The following ITGB3 variants were observed in gnomAD, a reference collection of about 807,000 sequenced individuals.
The protein encoded by ITGB3 is integrin beta-3.
ITGB3 carries 48 observed loss-of-function variants against 85.8 expected under a neutral mutation model. The ratio of observed to expected loss-of-function variants is 0.56; its 90% CI spans 0.44 to 0.71. ITGB3 has a LOEUF of 0.71. ITGB3 is among the 30% of genes least tolerant of loss of function. The probability of loss-of-function intolerance (pLI) is 0.00; values close to 1 mark genes in which losing one functional copy is unlikely to be tolerated. For synonymous variants in ITGB3, 363 were observed against 395.6 expected (o/e 0.92, Z 0.98); for missense variants, 861 against 1,019.1 (o/e 0.84, Z 2.11).
At chr17:47,300,346 C>CGCGCGTGTGT (rs377375532) in intron 11 of ITGB3, 132 bp from the exon 12 acceptor site, 48 of 619,820 alleles carry the variant, frequency 7.7e-5, no homozygotes, top group African/African-American at 5.9e-4. Flanking sequence ...CGCGCGCGCG[C>CGCGCGTGTGT]GTGTGTGTGT....
At chr17:47,290,324 G>C (rs1229808560) in intron 8 of ITGB3, 50 bp downstream of exon 8, 2 of 1,481,644 alleles carry the variant, frequency 1.3e-6, no homozygotes, top group Admixed American at 3.3e-5. Flanking sequence ...ACCTCATTTG[G>C]CTTACACAGC....
At chr17:47,294,685 C>T (rs2065139259) in intron 10 of ITGB3, among the ~76,000 whole-genome samples, 1 of 152,186 alleles carries the variant, frequency 6.6e-6, no homozygotes, top group South Asian at 2.1e-4. Context: ...TACTCAGGGG[C>T]GCACATCATT....
At chr17:47,267,264 A>G (rs1314180092) in intron 1 of ITGB3, among the ~76,000 whole-genome samples, 2 of 152,160 alleles carry the variant, frequency 1.3e-5, no homozygotes, top group Admixed American at 6.5e-5. Context: ...GTCAGAGGAA[A>G]GGGGTGGTAG....
At position 47,295,373 on chromosome 17, in the gene ITGB3, G is replaced by A. The variant is rs532347292; in HGVS notation, c.1690+2805G>A. Among the ~76,000 whole-genome samples the A allele has an allele frequency of 7.9e-5, 12 of 152,134 alleles. No individual in the cohort carries two copies. In the East Asian group the frequency reaches 1.7e-3, roughly 22 times the overall value. On this transcript the variant is annotated intron_variant, in intron 10 of 14. Coordinates refer to ENST00000559488, the MANE Select transcript of ITGB3 (RefSeq NM_000212.3). ...GTGTTCCCAATGACCTTAAGCACCC[G>A]TTCCTCCCTCCCTTTTCTGGCTCCC...
rs1386533862 is a variant in ITGB3 at position 47,299,620 on chromosome 17, G to C, written c.1913+90G>C. The C allele has an allele frequency of 1.7e-6, 2 of 1,201,928 alleles. No homozygotes were observed. The highest frequency in any genetic ancestry group is 2.4e-6 in the Non-Finnish European group (2 of 829,024). The allele number at this position is 1,201,928 out of a possible 1,614,324, so 74.5% of individuals were successfully genotyped here. ...CCCCAGCTCTCCAGGTGTGTTTCTT[G>C]CTCACCAGAGCCTTAGGGAGAGGAG... On this transcript the variant is annotated intron_variant, in intron 11 of 14. Coordinates refer to ENST00000559488, the MANE Select transcript of ITGB3 (RefSeq NM_000212.3). This position sits in a 1 kb window ranked among gnomAD's most constrained non-coding sequence, Gnocchi z 5.1.
intron 8 of ITGB3, among the ~76,000 whole-genome samples, chr17:47,290,480 G>A (rs964975033): frequency 1.3e-5 from 2 of 152,206 alleles, no homozygotes; most frequent in Admixed American, 6.5e-5. Flanking sequence ...AAGAGAGAAA[G>A]AAGGAAAGAA....
intron 11 of ITGB3, 113 bp from the exon 12 acceptor site, chr17:47,300,365 G>GTC: frequency 1.3e-6 from 1 of 760,490 alleles, no homozygotes; most frequent in South Asian, 1.4e-5. Flanking sequence ...GTGTGTGTGT[G>GTC]TGTTTTAATG....
chr17:47,259,120 A>G (rs2065000392), intron 1 of ITGB3, among the ~76,000 whole-genome samples: 1 of 152,204 alleles, frequency 6.6e-6, no homozygotes. Context: ...CCATGTGCTA[A>G]GTAGTTAAAG....
chr17:47,300,342 C>CGTGTGTGTGT (rs748298784), intron 11 of ITGB3, 136 bp from the exon 12 acceptor site: 2,043 of 695,898 alleles, frequency 2.9e-3, no homozygotes, highest in African/African-American at 6.1e-3. Context: ...CAGGCGCGCG[C>CGTGTGTGTGT]GCGCGTGTGT....
rs1442549398 is a variant in ITGB3, at chr17:47,289,588, C to G, written c.940-93C>G. On this transcript the variant is annotated intron_variant, in intron 6 of 14. Coordinates refer to ENST00000559488, the MANE Select transcript of ITGB3 (RefSeq NM_000212.3). ...GAAATGGTTTAAGCACCACCACACT[C>G]TGAGCCACAGCCCAAGCAAGATAAG... The G allele has an allele frequency of 3.3e-6, 3 of 920,176 alleles. No individual in the cohort carries two copies. In the African/African-American group the frequency reaches 4.9e-5, roughly 15 times the overall value. 57.0% of individuals were successfully genotyped at this position (920,176 alleles called of 1,614,324 possible).
At chr17:47,304,011 C>T (rs2065177363) in intron 13 of ITGB3, among the ~76,000 whole-genome samples, 1 of 152,006 alleles carries the variant, frequency 6.6e-6, no homozygotes, top group Admixed American at 6.6e-5. Context: ...CCCATCCCAG[C>T]CTCCCTGGGA....
intron 3 of ITGB3, 80 bp downstream of exon 3, chr17:47,283,629 T>C (rs2065092054): frequency 5.8e-6 from 8 of 1,375,520 alleles, no homozygotes; most frequent in Non-Finnish European, 8.3e-6. Context: ...GGAGGAAGTC[T>C]TGGGGAAGTA....
intron 1 of ITGB3, among the ~76,000 whole-genome samples, chr17:47,263,144 T>G (rs1272800608): frequency 2.0e-5 from 3 of 152,232 alleles, no homozygotes; most frequent in African/African-American, 7.2e-5. Context: ...GGTTTCCTGC[T>G]GCTTTGCATG....
At chr17:47,308,326 A>G (rs576295438) in intron 14 of ITGB3, among the ~76,000 whole-genome samples, 7 of 151,822 alleles carry the variant, frequency 4.6e-5, no homozygotes, top group East Asian at 1.9e-4. Flanking sequence ...TCACATTTCA[A>G]CTTTTTTCCT....
In ITGB3 at chr17:47,300,564, C is replaced by A; in HGVS notation, c.2000C>A (p.Ser667Ter). The A allele has an allele frequency of 6.2e-7, 1 of 1,613,658 alleles. No homozygotes were observed. The highest frequency in any genetic ancestry group is 1.1e-5 in the South Asian group (1 of 91,024). ...CGTTACTGCCGTGACGAGATTGAGT[C>A]AGTGAAAGAGCTTAGTAAGTTCAGC... ...CNRYCRDEIE[S>*]VKELKDTGKD... The change falls in exon 12 of 15, where the codon TCA becomes TAA. Residue 667 changes from serine to a stop codon, truncating the protein, a stop_gained. Transcript: ENST00000559488. LOFTEE classifies it high-confidence loss of function.
At chr17:47,276,676 A>G (rs1476155836) in intron 2 of ITGB3, among the ~76,000 whole-genome samples, 1 of 151,890 alleles carries the variant, frequency 6.6e-6, no homozygotes, top group Non-Finnish European at 1.5e-5. Context: ...AGGGTGGAGG[A>G]CCCCAGTATG....
At position 47,280,554 on chromosome 17, in the gene ITGB3, G is replaced by T. The variant is rs147452940; in HGVS notation, c.166-2800G>T. ...GTATTTTTAGTGGAGACGGGGTTTT[G>T]CCCTGTGGCCCAGGGTGGTCCGGAA... On this transcript the variant is annotated intron_variant, in intron 2 of 14. Transcript: ENST00000559488. Among the ~76,000 whole-genome samples the T allele has an allele frequency of 8.1e-3, 1,227 of 152,212 alleles. 14 individuals carry two copies. Among genetic ancestry groups the T allele is most frequent in the African/African-American group, 0.029 (1,184 of 41,524 alleles).
intron 2 of ITGB3, among the ~76,000 whole-genome samples, chr17:47,281,613 G>A (rs2065084095): frequency 6.6e-6 from 1 of 152,152 alleles, no homozygotes; most frequent in African/African-American, 2.4e-5. Context: ...GGGGGCCGTG[G>A]GTTTTTGGAA....
chr17:47,297,173 T>C (rs1231695549), intron 10 of ITGB3, among the ~76,000 whole-genome samples: 2 of 152,178 alleles, frequency 1.3e-5, no homozygotes, highest in Non-Finnish European at 1.5e-5. Flanking sequence ...ACCATATTAG[T>C]ATAAATAGGG....
Sources: allele counts gnomAD v4.1 joint callset (sites outside exome capture counted in the v4.1 genomes callset), GRCh38; gene constraint gnomAD v4.1.1; non-coding constraint Gnocchi (gnomAD v3.1); transcripts MANE v1.5; gene names NCBI Gene and HGNC (gene_info 2026-07-23, HGNC 2026-07-21).